The following AGBL4 variants were observed in gnomAD, a reference collection of about 807,000 sequenced individuals.
The protein encoded by AGBL4 is cytosolic carboxypeptidase 6.
AGBL4 carries 58 observed loss-of-function variants against 66.4 expected under a neutral mutation model. The ratio of observed to expected loss-of-function variants is 0.87; its 90% CI spans 0.71 to 1.09. AGBL4 has a LOEUF of 1.09. Among genes scored for constraint, AGBL4 ranks in the 50% least tolerant of loss-of-function variants. AGBL4 has a pLI of 0.00. For synonymous variants in AGBL4, 234 were observed against 222.9 expected (o/e 1.05, Z -0.44); for missense variants, 579 against 631.0 (o/e 0.92, Z 0.88).
intron 3 of AGBL4, among the ~76,000 whole-genome samples, chr1:49,385,962 T>C (rs1368968595): frequency 2.6e-5 from 4 of 152,022 alleles, no homozygotes; most frequent in African/African-American, 7.2e-5. Flanking sequence ...ACTTAGTACA[T>C]TAGTAAAAAT....
intron 5 of AGBL4, among the ~76,000 whole-genome samples, chr1:48,922,923 A>G (rs1433268614): frequency 2.0e-5 from 3 of 148,988 alleles, no homozygotes; most frequent in Non-Finnish European, 3.0e-5. Context: ...GTTCTCAACT[A>G]TATATATATA....
chr1:49,252,815 A>G (rs1402854731), intron 3 of AGBL4, among the ~76,000 whole-genome samples: 1 of 152,186 alleles, frequency 6.6e-6, no homozygotes, highest in Non-Finnish European at 1.5e-5. Context: ...AAGTAAGCTT[A>G]TAAGTGAAAA....
At chr1:49,656,298 T>A (rs187420660) in intron 3 of AGBL4, among the ~76,000 whole-genome samples, 64 of 152,224 alleles carry the variant, frequency 4.2e-4, no homozygotes, top group Non-Finnish European at 7.2e-4. Flanking sequence ...CTCCCAAGAC[T>A]AAACCAGGAA....
At chr1:48,746,393 T>G (rs962755002) in intron 6 of AGBL4, among the ~76,000 whole-genome samples, 2 of 152,070 alleles carry the variant, frequency 1.3e-5, no homozygotes, top group South Asian at 4.2e-4. Flanking sequence ...ACAGAGCAGG[T>G]CCTTGTACTC....
In AGBL4 at chr1:49,259,219, C is replaced by A. The variant is rs547120903; in HGVS notation, c.283-13355G>T. On this transcript the variant is annotated intron_variant, in intron 3 of 13. Transcript: ENST00000371839. ...GCAAAATCATGCCAAAATGTAAAGACCATCGAGACTAGGAAGAAACTGCAT... is the reference window on the plus strand; with the variant it reads ...GCAAAATCATGCCAAAATGTAAAGAACATCGAGACTAGGAAGAAACTGCAT... 2.0e-5 allele frequency among the ~76,000 whole-genome samples: 3 copies of A among 152,134 alleles called. No homozygotes were observed. In the South Asian group the frequency reaches 6.2e-4, roughly 32 times the overall value.
chr1:49,891,563 T>A (rs2148167837), intron 1 of AGBL4, among the ~76,000 whole-genome samples: 1 of 152,266 alleles, frequency 6.6e-6, no homozygotes, highest in African/African-American at 2.4e-5. Flanking sequence ...GGTTGAGGCA[T>A]CCTAACCTAG....
rs368358114 is a variant in AGBL4, at chr1:49,737,813, C to T, written c.158-40376G>A. On this transcript the variant is annotated intron_variant, in intron 2 of 13. Transcript: ENST00000371839. Reference sequence around the variant, plus strand: ...CTCAGAATTCCATTAGCAAAACTTACCATCAAAACTTTTTTATAAAAAAAG... The same window carrying T: ...CTCAGAATTCCATTAGCAAAACTTATCATCAAAACTTTTTTATAAAAAAAG... 3.4e-4 allele frequency among the ~76,000 whole-genome samples: 52 copies of T among 152,296 alleles called. 1 individual carries two copies. The South Asian group carries it at 9.5e-3, about 28-fold the overall frequency.
intron 3 of AGBL4, among the ~76,000 whole-genome samples, chr1:49,418,291 T>A (rs1645471758): frequency 6.6e-6 from 1 of 152,144 alleles, no homozygotes; most frequent in African/African-American, 2.4e-5. Flanking sequence ...ACCTGCCACA[T>A]CTCTTTAAGT....
chr1:49,596,742 C>A (rs1644860683), intron 3 of AGBL4, among the ~76,000 whole-genome samples: 1 of 152,120 alleles, frequency 6.6e-6, no homozygotes, highest in East Asian at 1.9e-4. Flanking sequence ...AACAGATGTT[C>A]AGGTAAATAG....
rs187815573 is a variant in AGBL4, at chr1:48,689,043, C to A, written c.635-25802G>T. Among the ~76,000 whole-genome samples, 814 of 151,634 alleles carry A rather than the reference C, an allele frequency of 5.4e-3. 3 individuals are homozygous for A. The highest frequency in any genetic ancestry group is 8.2e-3 in the Non-Finnish European group (557 of 67,872). On this transcript the variant is annotated intron_variant, in intron 6 of 13. Coordinates refer to ENST00000371839, the MANE Select transcript of AGBL4 (RefSeq NM_032785.4). ...AAAGAAGATCCATTGTGGTGAAACC[C>A]CGTCTCTACTAAAAATACAAAACTT...
At chr1:49,091,238 G>C (rs183838866) in intron 4 of AGBL4, among the ~76,000 whole-genome samples, 2 of 152,100 alleles carry the variant, frequency 1.3e-5, no homozygotes, top group Admixed American at 1.3e-4. Context: ...TGACAAATGG[G>C]AACAAATTAA....
intron 3 of AGBL4, among the ~76,000 whole-genome samples, chr1:49,613,161 T>G (rs182389809): frequency 6.6e-5 from 10 of 152,166 alleles, no homozygotes; most frequent in African/African-American, 2.2e-4. Context: ...CTGTCACTTA[T>G]AAGTGTGAGG....
intron 2 of AGBL4, among the ~76,000 whole-genome samples, chr1:49,703,091 C>A (rs1647131016): frequency 6.7e-6 from 1 of 149,536 alleles, no homozygotes. Context: ...CCAGGAAGGA[C>A]AAGTATGCCA....
intron 11 of AGBL4, among the ~76,000 whole-genome samples, chr1:48,542,228 A>T (rs1209183667): frequency 1.3e-5 from 2 of 152,050 alleles, no homozygotes; most frequent in Non-Finnish European, 2.9e-5. Context: ...CATTTTCTTT[A>T]TCCATTCTAT....
chr1:48,697,369 T>C (rs1478860196), intron 6 of AGBL4, among the ~76,000 whole-genome samples: 1 of 152,064 alleles, frequency 6.6e-6, no homozygotes, highest in Non-Finnish European at 1.5e-5. Flanking sequence ...AAGGGATGTT[T>C]ATGGAGCCCC....
chr1:49,856,425 A>C (rs1377249633), intron 1 of AGBL4, among the ~76,000 whole-genome samples: 1 of 152,144 alleles, frequency 6.6e-6, no homozygotes, highest in Non-Finnish European at 1.5e-5. Context: ...AGAAGGAAAC[A>C]ACAAGAAACA....
chr1:49,437,636 A>C (rs1484593477), intron 3 of AGBL4, among the ~76,000 whole-genome samples: 1 of 152,200 alleles, frequency 6.6e-6, no homozygotes, highest in African/African-American at 2.4e-5. Flanking sequence ...ATAAGCACTT[A>C]ATTCTGCAGT....
chr1:49,831,608 C>G (rs1056701980), intron 2 of AGBL4, among the ~76,000 whole-genome samples: 3 of 152,156 alleles, frequency 2.0e-5, no homozygotes, highest in African/African-American at 7.2e-5. Flanking sequence ...TTATTTCTTT[C>G]TCTTGCCTAA....
intron 5 of AGBL4, among the ~76,000 whole-genome samples, chr1:48,924,937 G>A (rs903351049): frequency 2.0e-5 from 3 of 151,994 alleles, no homozygotes; most frequent in African/African-American, 7.2e-5. Flanking sequence ...CTCACAATGA[G>A]GTTATGTCCC....
Sources: allele counts gnomAD v4.1 joint callset (sites outside exome capture counted in the v4.1 genomes callset), GRCh38; gene constraint gnomAD v4.1.1; transcripts MANE v1.5; gene names NCBI Gene and HGNC (gene_info 2026-07-23, HGNC 2026-07-21).